LIMS2: variants seen among roughly 807,000 people sequenced by gnomAD.
LIMS2 encodes the protein LIM and senescent cell antigen-like-containing domain protein 2.
In LIMS2, 30 loss-of-function variants were observed where a neutral mutation model predicts 45.3. The observed-to-expected ratio is 0.66, with a 90% CI of 0.50 to 0.90. The LOEUF is 0.90. LIMS2 is among the 40% of genes least tolerant of loss of function. The pLI, the probability that LIMS2 is intolerant of heterozygous loss-of-function variation, is 0.00. For missense variants in LIMS2, 485 were observed against 468.7 expected (o/e 1.03, Z -0.32); for synonymous variants, 173 against 188.0 (o/e 0.92, Z 0.65).
intron 4 of LIMS2, chr2:127,651,459 G>A (rs1460626907): frequency 6.2e-7 from 1 of 1,612,810 alleles, no homozygotes; most frequent in East Asian, 2.2e-5. Context: ...CATAGTGCTG[G>A]CCATCTTCCT....
At chr2:127,661,501 A>G (rs549146315) in intron 1 of LIMS2, among the ~76,000 whole-genome samples, 1 of 152,196 alleles carries the variant, frequency 6.6e-6, no homozygotes, top group East Asian at 1.9e-4. Context: ...TGGACATTCC[A>G]TGTCCTCCTT....
intron 1 of LIMS2, among the ~76,000 whole-genome samples, chr2:127,660,180 A>G (rs537414209): frequency 9.8e-5 from 15 of 152,328 alleles, no homozygotes; most frequent in African/African-American, 3.6e-4. Flanking sequence ...ACCAATCAGC[A>G]CTTGGTAAAA....
intron 1 of LIMS2, among the ~76,000 whole-genome samples, chr2:127,658,401 A>T (rs1356556962): frequency 6.6e-6 from 1 of 152,168 alleles, no homozygotes; most frequent in African/African-American, 2.4e-5. Flanking sequence ...AAAAATAAAT[A>T]AAAAAGACAA....
At chr2:127,666,536 G>A (rs1179721150) in intron 1 of LIMS2, among the ~76,000 whole-genome samples, 1 of 152,156 alleles carries the variant, frequency 6.6e-6, no homozygotes, top group Non-Finnish European at 1.5e-5. Context: ...ACAACTGTAT[G>A]CCAATAAATG....
intron 4 of LIMS2, 92 bp from the exon 5 acceptor site, chr2:127,643,164 A>C: frequency 7.2e-7 from 1 of 1,379,412 alleles, no homozygotes; most frequent in Non-Finnish European, 9.7e-7. Flanking sequence ...CTGCAACTTC[A>C]CTGAGCAGCT....
At chr2:127,652,307 C>T (rs1237187659) in intron 4 of LIMS2, 1 of 173,218 alleles carries the variant, frequency 5.8e-6, no homozygotes, top group Admixed American at 5.9e-5. Context: ...TGGTTGCCAG[C>T]GGACGTCAGC....
At chr2:127,673,234 G>A (rs1421138796) in intron 1 of LIMS2, among the ~76,000 whole-genome samples, 1 of 152,314 alleles carries the variant, frequency 6.6e-6, no homozygotes, top group Non-Finnish European at 1.5e-5. Context: ...GGGAGCCACC[G>A]AACTGCATAA....
chr2:127,645,612 C>T lies in LIMS2; in HGVS notation c.360-2540G>A, dbSNP rs148176967. Among the ~76,000 whole-genome samples, 333 of 152,356 alleles carry T rather than the reference C, an allele frequency of 2.2e-3. 1 individual carries two copies. The highest frequency in any genetic ancestry group is 7.8e-3 in the African/African-American group (326 of 41,580). ...TTATGAGGCTCCTGCAGCTGTTCCT[C>T]GCTCCAGATAAAGGCCATGATTTAT... On this transcript the variant is annotated intron_variant, in intron 4 of 9. Transcript: ENST00000355119.
At position 127,653,991 on chromosome 2, in the gene LIMS2, G is replaced by T. The variant is rs1573808291; in HGVS notation, c.359+433C>A. ...CAAGGCCACCTGCTATAGGGACAGTGCTTGGGAAGGGAGGATGAGAGACCA... is the reference window on the plus strand; with the variant it reads ...CAAGGCCACCTGCTATAGGGACAGTTCTTGGGAAGGGAGGATGAGAGACCA... On this transcript the variant is annotated intron_variant, in intron 4 of 9. Transcript: ENST00000355119. The surrounding 1 kb of genome is among the most constrained non-coding windows in gnomAD (Gnocchi z 5.3). 6.6e-6 allele frequency among the ~76,000 whole-genome samples: 1 copy of T among 152,082 alleles called. No individual in the cohort carries two copies. Among genetic ancestry groups the T allele is most frequent in the African/African-American group, 2.4e-5 (1 of 41,410 alleles).
chr2:127,661,767 T>A (rs1015024489), intron 1 of LIMS2, among the ~76,000 whole-genome samples: 1 of 152,176 alleles, frequency 6.6e-6, no homozygotes, highest in Non-Finnish European at 1.5e-5. Flanking sequence ...TGAGGTGGGA[T>A]CAGAGGAGCC....
chr2:127,657,643 G>A (rs1684354797), intron 1 of LIMS2, 81 bp from the exon 2 acceptor site: 3 of 1,377,694 alleles, frequency 2.2e-6, no homozygotes, highest in Non-Finnish European at 3.0e-6. Context: ...GCGCCCGACA[G>A]ACACACCTCG....
chr2:127,645,109 CAT>C (rs1296084825), intron 4 of LIMS2, among the ~76,000 whole-genome samples: 7 of 152,190 alleles, frequency 4.6e-5, no homozygotes, highest in African/African-American at 1.7e-4. Context: ...TCTGGAGTGA[CAT>C]GTGCTTGGGT....
chr2:127,643,484 G>A (rs1204218574), intron 4 of LIMS2: 3 of 457,182 alleles, frequency 6.6e-6, no homozygotes, highest in African/African-American at 2.0e-5. Context: ...TGTCCCGGGA[G>A]GCCCACTCAC....
intron 1 of LIMS2, 151 bp from the exon 2 acceptor site, chr2:127,657,713 C>T: frequency 1.2e-6 from 1 of 868,642 alleles, no homozygotes; most frequent in Non-Finnish European, 1.7e-6. Context: ...AGGGTCCAGG[C>T]TGCTCAGTGC....
At chr2:127,670,948 C>T (rs760282417) in intron 1 of LIMS2, among the ~76,000 whole-genome samples, 7 of 152,232 alleles carry the variant, frequency 4.6e-5, no homozygotes, top group Non-Finnish European at 1.0e-4. Flanking sequence ...TATTCAGTCA[C>T]CTCATCTCAG....
At chr2:127,661,191 G>A (rs916440711) in intron 1 of LIMS2, among the ~76,000 whole-genome samples, 5 of 152,356 alleles carry the variant, frequency 3.3e-5, no homozygotes, top group South Asian at 2.1e-4. Context: ...AGCTCTACAC[G>A]TGATAGCCCC....
At position 127,650,940 on chromosome 2, in the gene LIMS2, T is replaced by C; in HGVS notation, c.359+3484A>G. On this transcript the variant is annotated intron_variant, in intron 4 of 9. Transcript: ENST00000355119. ...CAAGTCCGGGACCCCGGCCAACGTGTTCCTGATGCATCTGGCCGTGGCCGA... is the reference window on the plus strand; with the variant it reads ...CAAGTCCGGGACCCCGGCCAACGTGCTCCTGATGCATCTGGCCGTGGCCGA... 3 of 1,613,994 alleles carry C rather than the reference T, an allele frequency of 1.9e-6. 1 individual carries two copies. The highest frequency in any genetic ancestry group is 2.2e-5 in the South Asian group (2 of 91,086).
At chr2:127,657,375 C>G (rs377481765) in intron 2 of LIMS2, 28 bp downstream of exon 2, 2 of 1,613,248 alleles carry the variant, frequency 1.2e-6, no homozygotes, top group African/African-American at 2.7e-5. Flanking sequence ...CGAGCTGGGT[C>G]TGAGAAAGCC....
Position 127,640,878 on chromosome 2 carries a change from G to T in LIMS2, c.753+18C>A. The T allele has an allele frequency of 1.9e-6, 3 of 1,610,360 alleles. No individual in the cohort carries two copies. The highest frequency in any genetic ancestry group is 2.5e-6 in the Non-Finnish European group (3 of 1,177,110). Reference sequence around the variant, plus strand: ...CCCCTCCAGACCCGCATCCCTGAAGGTTCTGCACCGGGCTCACCTGGTTGT... The same window carrying T: ...CCCCTCCAGACCCGCATCCCTGAAGTTTCTGCACCGGGCTCACCTGGTTGT... On this transcript the variant is annotated intron_variant, in intron 7 of 9. Coordinates refer to ENST00000355119, the MANE Select transcript of LIMS2 (RefSeq NM_001161403.3).
Sources: gnomAD v4.1 joint callset for allele counts (sites outside exome capture counted in the v4.1 genomes callset) on GRCh38, gnomAD v4.1.1 for gene constraint, Gnocchi (gnomAD v3.1) non-coding constraint, MANE v1.5 for transcripts, NCBI Gene and HGNC (gene_info 2026-07-23, HGNC 2026-07-21) for gene names.